Variants in SLC9A3 observed in about 807,000 individuals in gnomAD.
SLC9A3 encodes the protein sodium/hydrogen exchanger 3.
SLC9A3 carries 37 observed loss-of-function variants against 86.8 expected under a neutral mutation model. That is an observed-to-expected ratio of 0.43 (90% CI 0.33 to 0.56). SLC9A3 has a LOEUF of 0.56. Among genes scored for constraint, SLC9A3 ranks in the 20% least tolerant of loss-of-function variants. The probability of loss-of-function intolerance (pLI) is 0.06; values close to 1 mark genes in which losing one functional copy is unlikely to be tolerated. For missense variants in SLC9A3, 1,011 were observed against 1,171.9 expected (o/e 0.86, Z 2.00); for synonymous variants, 581 against 528.3 (o/e 1.10, Z -1.37).
At chr5:485,276 C>T in intron 3 of SLC9A3, 45 bp from the exon 4 acceptor site, 1 of 1,515,320 alleles carries the variant, frequency 6.6e-7, no homozygotes, top group Non-Finnish European at 9.2e-7. Flanking sequence ...TTGGTTAGTG[C>T]CACCCCCTCT....
chr5:483,412 C>A lies in SLC9A3; in HGVS notation c.1003G>T (p.Val335Leu). ...GCCAGCATCTTCATGGTGTAGCGCA[C>A]GGTGGTGGCCGACTGCTCCGAGATG... is the stretch of plus-strand genomic sequence containing the variant. ...ANISEQSATT[V>L]RYTMKMLASS... The change falls in exon 6 of 17, where the codon GTG becomes TTG. Residue 335 changes from valine to leucine, a missense_variant. Transcript: ENST00000264938. 6.3e-7 allele frequency: 1 copy of A among 1,582,866 alleles called. No individual in the cohort carries two copies. Among genetic ancestry groups the A allele is most frequent in the Non-Finnish European group, 8.6e-7 (1 of 1,164,808 alleles).
At chr5:501,887 C>T (rs775890476) in intron 1 of SLC9A3, among the ~76,000 whole-genome samples, 4 of 151,964 alleles carry the variant, frequency 2.6e-5, no homozygotes, top group Admixed American at 6.5e-5. Context: ...CTCAGGTTGG[C>T]GTGGGACAGG....
chr5:512,579 G>A (rs1008500602), intron 1 of SLC9A3, among the ~76,000 whole-genome samples: 4 of 152,224 alleles, frequency 2.6e-5, no homozygotes, highest in Non-Finnish European at 4.4e-5. Context: ...GTTAATAGGG[G>A]GAGTGGGGGG....
In SLC9A3 at chr5:475,021, C is replaced by T. The variant is rs747804305; in HGVS notation, c.2363G>A (p.Arg788His). 2 of 1,612,180 alleles carry T rather than the reference C, an allele frequency of 1.2e-6. No homozygotes were observed. Among genetic ancestry groups the T allele is most frequent in the Non-Finnish European group, 1.7e-6 (2 of 1,179,774 alleles). The part of the protein sequence containing the change: ...GETVVPSQRA[R>H]TQIPYSPGTF... ...GCCGGGAGAGTAGGGAATCTGCGTG[C>T]GGGCCCTCTGCGAGGGGACCACCGT... is the stretch of plus-strand genomic sequence containing the variant. The change falls in exon 16 of 17, where the codon CGC becomes CAC. Residue 788 changes from arginine (R) to histidine (H), a missense_variant. By Grantham distance (29) the Arg-to-His change is conservative. Transcript: ENST00000264938.
At chr5:522,619 G>A (rs1323645358) in intron 1 of SLC9A3, among the ~76,000 whole-genome samples, 1 of 151,998 alleles carries the variant, frequency 6.6e-6, no homozygotes, top group African/African-American at 2.4e-5. Flanking sequence ...TTAGCTGGGC[G>A]TGGTGGCTCA....
Position 488,319 on chromosome 5 carries a change from G to C in SLC9A3, c.672C>G (p.Thr224=), listed in dbSNP as rs369810588. Residue 224 remains threonine (T), a synonymous_variant, in exon 3 of 17, where the codon ACC becomes ACG. Transcript: ENST00000264938. ...FGESLLNDAV[T]VVLYNVFESF... is the part of the protein sequence containing the mutation. ...GAGCGGTGGCTCCGTTGCTCACCAC[G>C]GTGACTGCGTCGTTCAGCAGCGACT... is the stretch of plus-strand genomic sequence containing the variant. 1.2e-6 allele frequency: 2 copies of C among 1,612,518 alleles called. No homozygotes were observed. The highest frequency in any genetic ancestry group is 1.7e-6 in the Non-Finnish European group (2 of 1,179,776).
At position 488,342 on chromosome 5, in the gene SLC9A3, A is replaced by T; in HGVS notation, c.649T>A (p.Ser217Thr). Residue 217 changes from serine to threonine, a missense_variant, in exon 3 of 17, where the codon TCG (serine) becomes ACG (threonine). Coordinates refer to ENST00000264938, the MANE Select transcript of SLC9A3 (RefSeq NM_004174.4). ...EVLFIIVFGE[S>T]LLNDAVTVVL... ...ACGGTGACTGCGTCGTTCAGCAGCGACTCCCCGAAGACGATGATGAACAGG... is the reference window on the plus strand; with the variant it reads ...ACGGTGACTGCGTCGTTCAGCAGCGTCTCCCCGAAGACGATGATGAACAGG... 1 of 1,612,176 alleles carries T rather than the reference A, an allele frequency of 6.2e-7. No individual in the cohort carries two copies. The highest frequency in any genetic ancestry group is 8.5e-7 in the Non-Finnish European group (1 of 1,179,768).
chr5:517,904 TCATC>T (rs1267252437), intron 1 of SLC9A3, among the ~76,000 whole-genome samples: 116 of 150,008 alleles, frequency 7.7e-4, no homozygotes, highest in African/African-American at 2.8e-3. Flanking sequence ...CATCCACCCA[TCATC>T]CATCCATCCA....
At chr5:499,621 G>A (rs1740172685) in intron 1 of SLC9A3, among the ~76,000 whole-genome samples, 1 of 152,212 alleles carries the variant, frequency 6.6e-6, no homozygotes, top group Admixed American at 6.5e-5. Flanking sequence ...CCCTCTGTCC[G>A]CCATCTCCAG....
chr5:498,102 C>T (rs563034277), intron 1 of SLC9A3, among the ~76,000 whole-genome samples: 102 of 152,334 alleles, frequency 6.7e-4, no homozygotes, highest in Non-Finnish European at 1.1e-3. Flanking sequence ...GGACGTCTCT[C>T]GGACCTTTCG....
rs899325537 is a variant in SLC9A3 at position 515,408 on chromosome 5, C to T, written c.211+8704G>A. Among the ~76,000 whole-genome samples, 7 of 152,248 alleles carry T rather than the reference C, an allele frequency of 4.6e-5. No individual in the cohort carries two copies. In the East Asian group the frequency reaches 1.4e-3, roughly 29 times the overall value. On this transcript the variant is annotated intron_variant, in intron 1 of 16. Transcript: ENST00000264938. The stretch of plus-strand genomic sequence containing the variant: ...GACTCCACCTGGACACGGCCCCAGG[C>T]TCCATCTCAATTCTTCCTAGACTGA...
At chr5:488,533 G>A in intron 2 of SLC9A3, 57 bp from the exon 3 acceptor site, 1 of 1,449,030 alleles carries the variant, frequency 6.9e-7, no homozygotes, top group South Asian at 1.4e-5. Flanking sequence ...GAGGAGGAGG[G>A]CCCTGGGGAG....
intron 1 of SLC9A3, among the ~76,000 whole-genome samples, chr5:507,079 A>T (rs1447896705): frequency 3.4e-5 from 1 of 29,222 alleles, no homozygotes; most frequent in Non-Finnish European, 7.9e-5. Context: ...TGTCTCAAAA[A>T]ATAAATAAAT....
chr5:482,786 C>T (rs542896856), intron 6 of SLC9A3, 36 bp from the exon 7 acceptor site: 60 of 1,535,424 alleles, frequency 3.9e-5, no homozygotes, highest in East Asian at 1.4e-4. Flanking sequence ...GCTCCCCGGC[C>T]GCCCTCCCAG....
chr5:484,557 G>A lies in SLC9A3; in HGVS notation c.895C>T (p.Leu299=). Residue 299 remains leucine, a synonymous_variant, in exon 5 of 17, where the codon CTG becomes TTG. Transcript: ENST00000264938. ...GACAGCGACAGCATCTCGGACGTCA[G>A]GTAGGACAGGTAGGAGATGATGAAC... ...FVFIISYLSY[L]TSEMLSLSAI... is the part of the protein sequence containing the mutation. The A allele has an allele frequency of 6.2e-7, 1 of 1,613,234 alleles. No individual in the cohort carries two copies. The highest frequency in any genetic ancestry group is 8.5e-7 in the Non-Finnish European group (1 of 1,179,970).
rs999986762 is a variant in SLC9A3 at position 491,269 on chromosome 5, G to A, written c.514+500C>T. 9.9e-5 allele frequency among the ~76,000 whole-genome samples: 15 copies of A among 152,112 alleles called. No individual in the cohort carries two copies. Among genetic ancestry groups the A allele is most frequent in the African/African-American group, 2.4e-4 (10 of 41,412 alleles). On this transcript the variant is annotated intron_variant, in intron 2 of 16. Transcript: ENST00000264938. This position sits in a 1 kb window ranked among gnomAD's most constrained non-coding sequence, Gnocchi z 9.2. The stretch of plus-strand genomic sequence containing the variant: ...GCATGTTGAGAGGCGCCAGCCACGC[G>A]TGGTCTGGGTCCGGGGCGGGAGGCA...
Position 472,796 on chromosome 5 carries a change from TGAGTCGGTCCCC to T in SLC9A3, c.*571_*582del, listed in dbSNP as rs776775349. On this transcript the variant is annotated 3_prime_UTR_variant, in exon 17 of 17. Transcript: ENST00000264938. ...TGAGTCCTGGCGCTCGGGAGGTCCCTGAGTCGGTCCCCGAGTCAGTCCCCGGGCGCGGGGCTC... is the reference window on the plus strand; with the variant it reads ...TGAGTCCTGGCGCTCGGGAGGTCCCTGAGTCAGTCCCCGGGCGCGGGGCTC... 23 of 577,830 alleles carry T rather than the reference TGAGTCGGTCCCC, an allele frequency of 4.0e-5. No individual in the cohort carries two copies. In the East Asian group the frequency reaches 7.9e-4, roughly 20 times the overall value. 35.8% of individuals were successfully genotyped at this position (577,830 alleles called of 1,614,324 possible). A position where few individuals can be genotyped will look rare whatever the true frequency, so the allele number is the denominator to read the frequency against.
rs181614972 is a variant in SLC9A3 at position 509,454 on chromosome 5, G to A, written c.211+14658C>T. ...GGGCGAGAGAGTGAGATGGAAGGAAGGAAGGAGGGAGGGAGGGAAGGAGGG... is the reference window on the plus strand; with the variant it reads ...GGGCGAGAGAGTGAGATGGAAGGAAAGAAGGAGGGAGGGAGGGAAGGAGGG... On this transcript the variant is annotated intron_variant, in intron 1 of 16. Coordinates refer to ENST00000264938, the MANE Select transcript of SLC9A3 (RefSeq NM_004174.4). Among the ~76,000 whole-genome samples, 114 of 143,012 alleles carry A rather than the reference G, an allele frequency of 8.0e-4. 6 individuals are homozygous for A. The East Asian group carries it at 0.015, about 19-fold the overall frequency. The allele number at this position is 143,012 out of a possible 152,430, so 93.8% of individuals were successfully genotyped here.
At chr5:499,375 A>G (rs543780675) in intron 1 of SLC9A3, among the ~76,000 whole-genome samples, 1 of 152,256 alleles carries the variant, frequency 6.6e-6, no homozygotes, top group African/African-American at 2.4e-5. Flanking sequence ...TGAGGGCCTG[A>G]CCCGGGCAGT....
Sources: gnomAD v4.1 joint callset for allele counts (sites outside exome capture counted in the v4.1 genomes callset) on GRCh38, gnomAD v4.1.1 for gene constraint, Gnocchi (gnomAD v3.1) non-coding constraint, MANE v1.5 for transcripts, NCBI Gene and HGNC (gene_info 2026-07-23, HGNC 2026-07-21) for gene names.